NEB: variants seen among roughly 807,000 people sequenced by gnomAD.
NEB encodes nebulin.
Under a neutral mutation model 952.2 loss-of-function variants are expected in NEB, and 512 were observed. The ratio of observed to expected loss-of-function variants is 0.54; its 90% confidence interval spans 0.50 to 0.58. NEB has a LOEUF of 0.58. Ranked by LOEUF, NEB falls within the 20% of genes least tolerant of loss-of-function variation. The pLI is 0.00. For missense variants in NEB, 8,428 were observed against 9,231.1 expected, an observed-to-expected ratio of 0.91 and a Z score of 3.56; for synonymous variants, 2,900 against 3,149.8, an observed-to-expected ratio of 0.92 and a Z score of 2.66.
At position 151,636,347 on chromosome 2, in the gene NEB, GA is replaced by G. The variant is rs770495295; in HGVS notation, c.8995-14del. On this transcript the variant is annotated splice_polypyrimidine_tract_variant and intron_variant, in intron 63 of 181. Transcript: ENST00000397345. ...GTTTGTACAGACTCTAAATTTGGGG[GA>G]AAAAAAATCAGATGCTGACATTTAT... 4.2e-5 allele frequency: 66 copies of G among 1,579,342 alleles called. No individual in the cohort carries two copies. Among genetic ancestry groups the G allele is most frequent in the African/African-American group, 3.4e-4 (25 of 74,158 alleles).
intron 138 of NEB, among the ~76,000 whole-genome samples, chr2:151,539,952 C>T (rs1046347416): frequency 2.0e-5 from 3 of 152,128 alleles, no homozygotes; most frequent in African/African-American, 7.2e-5. Context: ...TGAAAAGAGA[C>T]TCGGAAAAAT....
intron 134 of NEB, 144 bp from the exon 135 acceptor site, chr2:151,546,142 C>T (rs189217946): frequency 2.5e-5 from 18 of 723,994 alleles, no homozygotes; most frequent in Middle Eastern, 3.4e-4. Context: ...GGAGCAAAAA[C>T]AATTGTCATT....
Position 151,492,369 on chromosome 2 carries a change from A to G in NEB, c.24873+18T>C, listed in dbSNP as rs753372799. The G allele has an allele frequency of 1.3e-6, 2 of 1,593,224 alleles. No homozygotes were observed. The highest frequency in any genetic ancestry group is 1.7e-6 in the Non-Finnish European group (2 of 1,167,624). Reference sequence around the variant, plus strand: ...TTCTGACAGGCAGCCAGCCAATCCTAAAGAATTCCTGACTCACCGTTGAGA... The same window carrying G: ...TTCTGACAGGCAGCCAGCCAATCCTGAAGAATTCCTGACTCACCGTTGAGA... On this transcript the variant is annotated intron_variant, in intron 177 of 181. Transcript: ENST00000397345.
In NEB at chr2:151,644,545, T is replaced by A; in HGVS notation, c.7567A>T (p.Lys2523Ter). 1 of 1,613,922 alleles carries A rather than the reference T, an allele frequency of 6.2e-7. No homozygotes were observed. Among genetic ancestry groups the A allele is most frequent in the South Asian group, 1.1e-5 (1 of 91,084 alleles). The change falls in exon 56 of 182, where the codon AAG (lysine) becomes TAG (stop). Residue 2523 changes from lysine (K) to a stop codon, truncating the protein, a stop_gained. Transcript: ENST00000397345. LOFTEE classifies it high-confidence loss of function. The part of the protein sequence containing the change: ...KLYRMGYEEL[K>*]RKGYDLPVDA... The stretch of plus-strand genomic sequence containing the variant: ...ACAGGAAGATCGTAACCTTTTCTCT[T>A]CAGCTCCTCATAACCCATTCGGTAG...
At chr2:151,547,884 G>C in intron 131 of NEB, 146 bp from the exon 132 acceptor site, 1 of 639,902 alleles carries the variant, frequency 1.6e-6, no homozygotes, top group South Asian at 2.1e-5. Context: ...GAAAAAAGGA[G>C]AAAATGAGAG....
In NEB at chr2:151,506,197, CTCA is replaced by C. The variant is rs1337600394; in HGVS notation, c.23615_23617del (p.Met7872del). ...AATGTGGTCCTGTGTTTGTTTCACT[CTCA>C]TCATCTCAGGTGTCTTTCCGATAGC... is the stretch of plus-strand genomic sequence containing the variant. On this transcript the variant is annotated inframe_deletion, in exon 164 of 182. Coordinates refer to ENST00000397345, the MANE Select transcript of NEB (RefSeq NM_001164508.2). The C allele has an allele frequency of 1.9e-6, 3 of 1,613,544 alleles. No individual in the cohort carries two copies. The highest frequency in any genetic ancestry group is 1.7e-5 in the Admixed American group (1 of 60,006).
In NEB at chr2:151,677,885, T is replaced by C; in HGVS notation, c.3558A>G (p.Ile1186Met). ...AGTAAATGACACTTACATCACTCTG[T>C]ATCTGCATCATGTTCTTAGACAGCT... ...DLELSKNMMQ[I>M]QSDNVYKEDY... Residue 1186 changes from isoleucine (I) to methionine (M), a missense_variant, in exon 33 of 182, where the codon ATA becomes ATG. Around this residue, in one of 11 missense-constraint regions of NEB, gnomAD observed 2,851 missense variants for 2,791.5 expected, o/e 1.02. Transcript: ENST00000397345. 1.2e-6 allele frequency: 2 copies of C among 1,610,796 alleles called. No individual in the cohort carries two copies. Among genetic ancestry groups the C allele is most frequent in the Non-Finnish European group, 8.5e-7 (1 of 1,177,912 alleles).
rs745748427 is a variant in NEB at position 151,619,580 on chromosome 2, G to A, written c.10743C>T (p.Ile3581=). 1.4e-5 allele frequency: 22 copies of A among 1,613,910 alleles called. No homozygotes were observed. The highest frequency in any genetic ancestry group is 2.2e-5 in the South Asian group (2 of 91,074). The part of the protein sequence containing the change: ...RYSSPVDMLG[I]VLAKKCQTLV... The stretch of plus-strand genomic sequence containing the variant: ...AGGTCTGACACTTCTTGGCCAAAAC[G>A]ATACCAAGCATGTCCACTGGGCTGC... The change falls in exon 73 of 182, where the codon ATC becomes ATT. Residue 3581 remains isoleucine, a synonymous_variant. Transcript: ENST00000397345.
chr2:151,540,659 T>A (rs1363597095), intron 137 of NEB, 38 bp downstream of exon 137: 1 of 1,563,108 alleles, frequency 6.4e-7, no homozygotes, highest in Non-Finnish European at 8.8e-7. Context: ...AGTATTTTTC[T>A]TTTTACCCAG....
At position 151,659,107 on chromosome 2, in the gene NEB, G is replaced by A. The variant is rs773482640; in HGVS notation, c.6033C>T (p.Pro2011=). The part of the protein sequence containing the change: ...KTKVHIMPDI[P]QIILAKANAI... ...CATTTGCCTTTGCCAAAATAATCTG[G>A]GGGATATCAGGCATGATGTGGACTT... is the stretch of plus-strand genomic sequence containing the variant. Residue 2011 remains proline (P), a synonymous_variant, in exon 47 of 182, where the codon CCC becomes CCT. Transcript: ENST00000397345. 7.4e-6 allele frequency: 12 copies of A among 1,612,720 alleles called. No individual in the cohort carries two copies. The highest frequency in any genetic ancestry group is 1.3e-5 in the African/African-American group (1 of 74,824).
chr2:151,609,707 GT>G (rs1409152533), intron 81 of NEB, 101 bp downstream of exon 81: 2 of 1,121,838 alleles, frequency 1.8e-6, no homozygotes, highest in Non-Finnish European at 2.5e-6. Context: ...CCCCAGGTTT[GT>G]GCAGTGCACA....
At chr2:151,674,669 T>G in intron 35 of NEB, 85 bp from the exon 36 acceptor site, 1 of 1,011,566 alleles carries the variant, frequency 9.9e-7, no homozygotes, top group Non-Finnish European at 1.5e-6. Context: ...CAGACAGAAG[T>G]TGAAGGAATC....
intron 134 of NEB, 149 bp downstream of exon 134, chr2:151,546,196 A>G: frequency 1.4e-6 from 1 of 712,872 alleles, no homozygotes; most frequent in Non-Finnish European, 2.3e-6. Context: ...GATCACATTA[A>G]AGTGATAATC....
chr2:151,573,923 A>C (rs567049545), intron 107 of NEB, among the ~76,000 whole-genome samples: 2 of 151,910 alleles, frequency 1.3e-5, no homozygotes, highest in South Asian at 2.1e-4. Context: ...AAATAATGAT[A>C]ATTTGGCCTC....
chr2:151,631,373 T>A (rs765456311), intron 65 of NEB, 27 bp from the exon 66 acceptor site: 3 of 1,593,822 alleles, frequency 1.9e-6, no homozygotes, highest in Non-Finnish European at 2.6e-6. Flanking sequence ...AGTCAAAAAC[T>A]CTTCATCAAG....
chr2:151,560,515 G>A, intron 124 of NEB, 77 bp downstream of exon 124: 2 of 1,126,690 alleles, frequency 1.8e-6, no homozygotes, highest in South Asian at 2.7e-5. Context: ...GTATGAATCA[G>A]CCTGAAAGAT....
Position 151,525,160 on chromosome 2 carries a change from T to C in NEB, c.22272+3A>G. The stretch of plus-strand genomic sequence containing the variant: ...CCCAAGAGTGTTGAGAGGGAAAACT[T>C]ACATCACTTTGCTTCTTGGCCACTT... On this transcript the variant is annotated splice_donor_region_variant and intron_variant, in intron 151 of 181. Transcript: ENST00000397345. The C allele has an allele frequency of 2.5e-6, 4 of 1,607,726 alleles. No homozygotes were observed. The highest frequency in any genetic ancestry group is 3.4e-6 in the Non-Finnish European group (4 of 1,174,120).
At chr2:151,524,452 G>C in intron 152 of NEB, 37 bp from the exon 153 acceptor site, 1 of 1,608,310 alleles carries the variant, frequency 6.2e-7, no homozygotes, top group Non-Finnish European at 8.5e-7. Flanking sequence ...AACAGGTGAT[G>C]GTTGCCTGGC....
chr2:151,669,162 C>A, intron 38 of NEB, 31 bp from the exon 39 acceptor site: 3 of 1,352,862 alleles, frequency 2.2e-6, no homozygotes, highest in Non-Finnish European at 3.1e-6. Flanking sequence ...ATGCACATAT[C>A]ATTAGCTGAC....
Sources: allele counts gnomAD v4.1 joint callset (sites outside exome capture counted in the v4.1 genomes callset), GRCh38; gene constraint gnomAD v4.1.1; regional missense constraint gnomAD v4.1.1; transcripts MANE v1.5; gene names NCBI Gene and HGNC (gene_info 2026-07-23, HGNC 2026-07-21).